Variants in SUCLA2 observed in about 807,000 individuals in gnomAD.
SUCLA2 encodes succinate-CoA ligase ADP-forming subunit beta.
Under a neutral mutation model 54.8 loss-of-function variants are expected in SUCLA2, and 30 were observed. The ratio of observed to expected loss-of-function variants is 0.55; its 90% confidence interval spans 0.41 to 0.74. The LOEUF is 0.74. Among genes scored for constraint, SUCLA2 ranks in the 30% least tolerant of loss-of-function variants. The pLI is 0.00. For synonymous variants in SUCLA2, 172 were observed against 188.9 expected (o/e 0.91, Z 0.74); for missense variants, 476 against 562.9 (o/e 0.85, Z 1.56).
chr13:47,963,642 C>A lies in SUCLA2; in HGVS notation c.802+4953G>T, dbSNP rs374187250. On this transcript the variant is annotated intron_variant, in intron 6 of 10. Transcript: ENST00000646932. ...CCTAGGCAACAGAACGAGACTCTGT[C>A]CCAAAACAAACAAACAAAAAAAAAA... Among the ~76,000 whole-genome samples the A allele has an allele frequency of 6.0e-5, 5 of 83,174 alleles. No individual in the cohort carries two copies. The East Asian group carries it at 2.0e-3, about 33-fold the overall frequency. The allele number at this position is 83,174 out of a possible 152,430, so 54.6% of individuals were successfully genotyped here.
At chr13:47,991,662 T>C (rs1593502326) in intron 2 of SUCLA2, 2 of 152,236 alleles carry the variant, frequency 1.3e-5, no homozygotes, top group East Asian at 3.8e-4. Context: ...GGAGAGTTCC[T>C]AGCACATAAT....
intron 1 of SUCLA2, chr13:48,000,949 C>A: frequency 2.1e-6 from 3 of 1,402,208 alleles, no homozygotes; most frequent in Non-Finnish European, 2.8e-6. Context: ...GCAGCCACGG[C>A]CGGGCCGCCG....
intron 6 of SUCLA2, among the ~76,000 whole-genome samples, chr13:47,963,110 C>A (rs1490913093): frequency 2.0e-5 from 3 of 152,176 alleles, no homozygotes; most frequent in African/African-American, 7.2e-5. Context: ...CTGCAGCACC[C>A]AATTAAACCC....
At chr13:47,980,135 G>T (rs1950049122) in intron 4 of SUCLA2, among the ~76,000 whole-genome samples, 1 of 152,180 alleles carries the variant, frequency 6.6e-6, no homozygotes, top group Admixed American at 6.5e-5. Context: ...GACACAAACA[G>T]GCAGGGCGCG....
Position 47,943,766 on chromosome 13 carries a change from G to GTGTGTGTGTA in SUCLA2, c.1318-322_1318-321insTACACACACA, listed in dbSNP as rs1300486540. ...TGTATGTGTGTGTGTGTGTGTGTGTGTATATATATATATATTATTCTAAAT... is the reference window on the plus strand; with the variant it reads ...TGTATGTGTGTGTGTGTGTGTGTGTGTGTGTGTGTATATATATATATATATTATTCTAAAT... On this transcript the variant is annotated intron_variant, in intron 10 of 10. Coordinates refer to ENST00000646932, the MANE Select transcript of SUCLA2 (RefSeq NM_003850.3). 3.6e-5 allele frequency among the ~76,000 whole-genome samples: 5 copies of GTGTGTGTGTA among 139,662 alleles called. 1 individual carries two copies. Among genetic ancestry groups the GTGTGTGTGTA allele is most frequent in the African/African-American group, 1.3e-4 (5 of 37,272 alleles). The allele number at this position is 139,662 out of a possible 152,430, so 91.6% of individuals were successfully genotyped here.
chr13:47,952,990 T>C (rs1462090382), intron 8 of SUCLA2, among the ~76,000 whole-genome samples: 1 of 152,172 alleles, frequency 6.6e-6, no homozygotes, highest in East Asian at 1.9e-4. Context: ...CTCCCAGTTT[T>C]TGCCTCTGTC....
intron 4 of SUCLA2, among the ~76,000 whole-genome samples, chr13:47,973,671 C>T (rs900196264): frequency 4.6e-5 from 7 of 152,126 alleles, no homozygotes; most frequent in Admixed American, 2.0e-4. Flanking sequence ...ACCACAATAG[C>T]AACAACTTGG....
intron 5 of SUCLA2, chr13:47,971,682 T>C: frequency 2.6e-6 from 1 of 384,032 alleles, no homozygotes; most frequent in Non-Finnish European, 4.6e-6. Flanking sequence ...ACAGCGTTCA[T>C]CGAATTCTTA....
chr13:47,994,579 A>C (rs1189936200), intron 2 of SUCLA2, among the ~76,000 whole-genome samples: 1 of 151,790 alleles, frequency 6.6e-6, no homozygotes, highest in African/African-American at 2.4e-5. Context: ...AAAAAAAAAA[A>C]AAAAAAAAAA....
chr13:47,973,836 G>A (rs1162178230), intron 4 of SUCLA2, among the ~76,000 whole-genome samples: 1 of 152,058 alleles, frequency 6.6e-6, no homozygotes, highest in African/African-American at 2.4e-5. Context: ...AACTAACACA[G>A]GAACAGAAAA....
intron 6 of SUCLA2, among the ~76,000 whole-genome samples, chr13:47,955,652 T>A (rs1172781161): frequency 6.6e-6 from 1 of 151,158 alleles, no homozygotes; most frequent in Non-Finnish European, 1.5e-5. Flanking sequence ...AAATACTTAT[T>A]AAATGCCAAC....
rs896059400 is a variant in SUCLA2, at chr13:47,999,968, A to G, written c.90+1212T>C. On this transcript the variant is annotated intron_variant, in intron 1 of 10. Transcript: ENST00000646932. ...TTCCAAAAAGATAAAGATTTTGACT[A>G]GAATGAAAACGTATTTGTCACTAAA... 1.2e-4 allele frequency among the ~76,000 whole-genome samples: 19 copies of G among 152,306 alleles called. 1 individual carries two copies. The highest frequency in any genetic ancestry group is 4.6e-4 in the African/African-American group (19 of 41,580).
intron 2 of SUCLA2, among the ~76,000 whole-genome samples, chr13:47,993,181 A>T (rs555986316): frequency 6.6e-6 from 1 of 152,316 alleles, no homozygotes; most frequent in African/African-American, 2.4e-5. Flanking sequence ...GCAATGAGCC[A>T]TGATCACACC....
At chr13:48,000,969 G>A (rs1228611343) in intron 1 of SUCLA2, 120 of 1,413,734 alleles carry the variant, frequency 8.5e-5, no homozygotes, top group African/African-American at 3.3e-4. Flanking sequence ...GGGGATCCTC[G>A]CGGACTAAGG....
intron 4 of SUCLA2, among the ~76,000 whole-genome samples, chr13:47,977,468 A>T (rs1950024771): frequency 6.6e-6 from 1 of 152,164 alleles, no homozygotes; most frequent in South Asian, 2.1e-4. Flanking sequence ...ATCAGAAGGT[A>T]TTAAAAGAAA....
intron 6 of SUCLA2, among the ~76,000 whole-genome samples, chr13:47,963,382 G>T (rs1425698448): frequency 1.3e-5 from 2 of 152,150 alleles, no homozygotes; most frequent in Non-Finnish European, 2.9e-5. Flanking sequence ...AGTGGCTCAC[G>T]CCTGTAATCC....
At chr13:47,987,536 A>G (rs1339210219) in intron 4 of SUCLA2, 1 of 152,108 alleles carries the variant, frequency 6.6e-6, no homozygotes, top group African/African-American at 2.4e-5. Context: ...GAATAAAACA[A>G]TGCTTCTTAA....
At chr13:47,956,108 C>T (rs1334585646) in intron 6 of SUCLA2, among the ~76,000 whole-genome samples, 1 of 152,098 alleles carries the variant, frequency 6.6e-6, no homozygotes, top group African/African-American at 2.4e-5. Flanking sequence ...ACCAAACCCA[C>T]AGTAACCCAA....
In SUCLA2 at chr13:47,943,442, C is replaced by T; in HGVS notation, c.1321G>A (p.Val441Ile). The change falls in exon 11 of 11, where the codon GTA (valine) becomes ATA (isoleucine). Residue 441 changes from valine to isoleucine, a missense_variant. By Grantham distance (29) the Val-to-Ile change is conservative (BLOSUM62 3). This residue lies in a region of SUCLA2 where 342 missense variants were observed against 444.2 expected (regional missense o/e 0.77). Transcript: ENST00000646932. ...AAGGTCACTATTTCAGAGAGCTTTACAACCTAAAAGAAAAGAACGAAGAAT... is the reference window on the plus strand; with the variant it reads ...AAGGTCACTATTTCAGAGAGCTTTATAACCTAAAAGAAAAGAACGAAGAAT... Reference protein sequence around the residue: ...DDLDEAARMVVKLSEIVTLAK... With the variant: ...DDLDEAARMVIKLSEIVTLAK... The T allele has an allele frequency of 6.2e-7, 1 of 1,613,780 alleles. No homozygotes were observed. The highest frequency in any genetic ancestry group is 8.5e-7 in the Non-Finnish European group (1 of 1,179,812).
Sources: gnomAD v4.1 joint callset for allele counts (sites outside exome capture counted in the v4.1 genomes callset) on GRCh38, gnomAD v4.1.1 for gene constraint, gnomAD v4.1.1 regional missense constraint, MANE v1.5 for transcripts, NCBI Gene and HGNC (gene_info 2026-07-23, HGNC 2026-07-21) for gene names.